BLTP3A: variants seen among roughly 807,000 people sequenced by gnomAD.
BLTP3A encodes bridge-like lipid transfer protein family member 3A, also known as ICBP90 binding protein 1.
chr6:34,876,334 A>G, the BLTP3A span: 12 of 152,170 alleles, frequency 7.9e-5, no homozygotes, highest in African/African-American at 1.9e-4. Context: ...GGAATATACA[A>G]GGTATAAACA....
At chr6:34,841,808 G>GA in the BLTP3A span, among the ~76,000 whole-genome samples, 1 of 152,122 alleles carries the variant, frequency 6.6e-6, no homozygotes, top group South Asian at 2.1e-4. Context: ...AATAAAAAAA[G>GA]AAAAAAATCA....
At chr6:34,851,028 T>G in the BLTP3A span, among the ~76,000 whole-genome samples, 3 of 152,158 alleles carry the variant, frequency 2.0e-5, no homozygotes, top group African/African-American at 4.8e-5. Context: ...TTTAATCTTT[T>G]TGTTAAAAGA....
At chr6:34,804,199 G>T in the BLTP3A span, among the ~76,000 whole-genome samples, 1 of 152,178 alleles carries the variant, frequency 6.6e-6, no homozygotes, top group Admixed American at 6.5e-5. Context: ...TCTGTAGGTA[G>T]TGTCTTAGCT....
chr6:34,834,778 G>C, the BLTP3A span: 2 of 1,614,194 alleles, frequency 1.2e-6, no homozygotes, highest in Admixed American at 1.7e-5. Flanking sequence ...AGATGCTACA[G>C]ACAATGGTGA....
the BLTP3A span, among the ~76,000 whole-genome samples, chr6:34,825,057 A>G: frequency 6.6e-6 from 1 of 152,160 alleles, no homozygotes; most frequent in Non-Finnish European, 1.5e-5. Flanking sequence ...AGCTCTTATA[A>G]TTATATCCCA....
the BLTP3A span, chr6:34,858,946 C>T: frequency 6.2e-7 from 1 of 1,614,168 alleles, no homozygotes. Flanking sequence ...TGGGTCTCCC[C>T]TGCAGAATCA....
the BLTP3A span, among the ~76,000 whole-genome samples, chr6:34,824,779 T>C: frequency 6.6e-6 from 1 of 151,982 alleles, no homozygotes; most frequent in Admixed American, 6.6e-5. Context: ...CAAGTGATTC[T>C]TGTGCCTCGG....
chr6:34,821,071 C>T, the BLTP3A span, among the ~76,000 whole-genome samples: 1 of 152,034 alleles, frequency 6.6e-6, no homozygotes, highest in African/African-American at 2.4e-5. Context: ...ATTCTCCTGC[C>T]TCAGCCTCTG....
the BLTP3A span, among the ~76,000 whole-genome samples, chr6:34,822,953 A>G: frequency 1.3e-5 from 2 of 151,996 alleles, no homozygotes; most frequent in Non-Finnish European, 2.9e-5. Context: ...CAAAAACTGG[A>G]ATCCCCAGGA....
chr6:34,793,923 CA>C, the BLTP3A span, among the ~76,000 whole-genome samples: 21,402 of 123,344 alleles, frequency 0.17, 1,727 homozygotes, highest in African/African-American at 0.26. Flanking sequence ...TTCAAGGGTA[CA>C]AAAAAAAAAA....
At chr6:34,831,749 G>T in the BLTP3A span, among the ~76,000 whole-genome samples, 4 of 152,100 alleles carry the variant, frequency 2.6e-5, no homozygotes, top group Admixed American at 6.6e-5. Context: ...TTTTCCCCCT[G>T]CACTGTCACC....
the BLTP3A span, among the ~76,000 whole-genome samples, chr6:34,818,498 A>G: frequency 1.4e-4 from 22 of 152,156 alleles, no homozygotes; most frequent in South Asian, 2.9e-3. Flanking sequence ...ACGAGACTCA[A>G]TGGAGGAATA....
chr6:34,821,492 T>A, the BLTP3A span: 2 of 672,452 alleles, frequency 3.0e-6, no homozygotes, highest in Non-Finnish European at 2.5e-6. Context: ...CAACCCCAGT[T>A]ACAGTTTTCT....
chr6:34,816,662 A>T, the BLTP3A span, among the ~76,000 whole-genome samples: 3 of 152,180 alleles, frequency 2.0e-5, no homozygotes, highest in Admixed American at 6.5e-5. Context: ...AGAGCAGTTT[A>T]TCTTAGTGGT....
At chr6:34,858,466 G>A in the BLTP3A span, 1 of 1,614,042 alleles carries the variant, frequency 6.2e-7, no homozygotes, top group Non-Finnish European at 8.5e-7. Flanking sequence ...GATCTCCTTG[G>A]ACTTTGAGGG....
chr6:34,843,864 G>A, the BLTP3A span, among the ~76,000 whole-genome samples: 1 of 152,052 alleles, frequency 6.6e-6, no homozygotes, highest in Admixed American at 6.6e-5. Flanking sequence ...CCCACCAACA[G>A]TGTCCAGGGG....
chr6:34,793,696 A>C, the BLTP3A span, among the ~76,000 whole-genome samples: 11 of 152,288 alleles, frequency 7.2e-5, no homozygotes, highest in African/African-American at 2.6e-4. Context: ...TAGATGTTCC[A>C]TGAGTCTGGT....
chr6:34,822,991 G>A, the BLTP3A span, among the ~76,000 whole-genome samples: 2 of 152,116 alleles, frequency 1.3e-5, no homozygotes, highest in African/African-American at 2.4e-5. Context: ...ACTTGGATTT[G>A]TGTTTTATCT....
At chr6:34,830,296 C>G in the BLTP3A span, among the ~76,000 whole-genome samples, 1 of 151,782 alleles carries the variant, frequency 6.6e-6, no homozygotes, top group Non-Finnish European at 1.5e-5. Flanking sequence ...TTTGCCAAAA[C>G]CCACAGAGCC....
Sources: gnomAD v4.1 joint callset for allele counts (sites outside exome capture counted in the v4.1 genomes callset) on GRCh38, gnomAD v4.1.1 for gene constraint, MANE v1.5 for transcripts, NCBI Gene and HGNC (gene_info 2026-07-23, HGNC 2026-07-21) for gene names.